Variants in ARHGAP31 observed in about 807,000 individuals in gnomAD.
ARHGAP31 encodes the protein Rho GTPase activating protein 31, also known as rho GTPase-activating protein 31.
Under a neutral mutation model 113.9 loss-of-function variants are expected in ARHGAP31, and 34 were observed. The observed-to-expected ratio is 0.30, with a 90% CI of 0.23 to 0.40. The LOEUF (loss-of-function observed/expected upper bound fraction) is 0.40, where lower values mean the gene tolerates loss of function less well. Ranked by LOEUF, ARHGAP31 falls within the 10% of genes least tolerant of loss-of-function variation. The probability of loss-of-function intolerance (pLI) is 1.00; values close to 1 mark genes in which losing one functional copy is unlikely to be tolerated. For missense variants in ARHGAP31, 1,548 were observed against 1,767.1 expected (o/e 0.88, Z 2.22); for synonymous variants, 650 against 684.8 (o/e 0.95, Z 0.79).
At chr3:119,304,785 C>T (rs2079616192) in intron 1 of ARHGAP31, among the ~76,000 whole-genome samples, 1 of 152,060 alleles carries the variant, frequency 6.6e-6, no homozygotes, top group Non-Finnish European at 1.5e-5. Context: ...ATCCCAGCTA[C>T]TTGGGAGGCT....
In ARHGAP31 at chr3:119,326,203, G is replaced by A. The variant is rs116028152; in HGVS notation, c.100+31199G>A. Among the ~76,000 whole-genome samples the A allele has an allele frequency of 9.9e-3, 1,499 of 152,158 alleles. 23 individuals carry two copies. Among genetic ancestry groups the A allele is most frequent in the African/African-American group, 0.035 (1,439 of 41,512 alleles). ...GCAAAACTCTGTCTCAAAAATAAAAGTAATAATAATAATAAAAAGATTCCC... is the reference window on the plus strand; with the variant it reads ...GCAAAACTCTGTCTCAAAAATAAAAATAATAATAATAATAAAAAGATTCCC... On this transcript the variant is annotated intron_variant, in intron 1 of 11. Transcript: ENST00000264245.
chr3:119,419,764 C>G lies in ARHGAP31; in HGVS notation c.*3500C>G, dbSNP rs570347951. The G allele has an allele frequency of 6.6e-6, 1 of 152,264 alleles. No individual in the cohort carries two copies. Among genetic ancestry groups the G allele is most frequent in the South Asian group, 2.1e-4 (1 of 4,816 alleles). 9.4% of individuals were successfully genotyped at this position (152,264 alleles called of 1,614,324 possible). Reference sequence around the variant, plus strand: ...CAATTGCAAATCCAATAGAACATCCCAGTGAGACACTCGGGTATTTGAGAA... The same window carrying G: ...CAATTGCAAATCCAATAGAACATCCGAGTGAGACACTCGGGTATTTGAGAA... On this transcript the variant is annotated 3_prime_UTR_variant, in exon 12 of 12. Transcript: ENST00000264245.
chr3:119,298,579 T>A (rs979152934), intron 1 of ARHGAP31: 1 of 152,244 alleles, frequency 6.6e-6, no homozygotes, highest in African/African-American at 2.4e-5. Context: ...GGCTTTACTT[T>A]AATGGCTGAG....
intron 1 of ARHGAP31, among the ~76,000 whole-genome samples, chr3:119,312,301 C>T (rs1279505432): frequency 6.6e-6 from 1 of 152,132 alleles, no homozygotes; most frequent in Non-Finnish European, 1.5e-5. Context: ...AAACTTTGTT[C>T]CATTTATTTA....
chr3:119,340,938 G>A lies in ARHGAP31; in HGVS notation c.101-24378G>A, dbSNP rs139737576. 6.6e-5 allele frequency among the ~76,000 whole-genome samples: 10 copies of A among 152,136 alleles called. No individual in the cohort carries two copies. The East Asian group carries it at 1.5e-3, about 23-fold the overall frequency. On this transcript the variant is annotated intron_variant, in intron 1 of 11. Transcript: ENST00000264245. ...CTTTAACTATACCCGATTTCTTCCC[G>A]TGGTCATTCAGCTGGCCAGAGGAGC...
At chr3:119,364,724 C>T (rs1335335073) in intron 1 of ARHGAP31, among the ~76,000 whole-genome samples, 1 of 152,092 alleles carries the variant, frequency 6.6e-6, no homozygotes, top group South Asian at 2.1e-4. Context: ...ATGAAGAGAC[C>T]GAGTTGTGGA....
chr3:119,296,308 CTT>C (rs914740303), intron 1 of ARHGAP31, among the ~76,000 whole-genome samples: 5 of 152,172 alleles, frequency 3.3e-5, no homozygotes, highest in African/African-American at 7.2e-5. Flanking sequence ...AAAACTGACT[CTT>C]TTGAAATTGA....
chr3:119,311,800 G>A (rs1213814559), intron 1 of ARHGAP31, among the ~76,000 whole-genome samples: 1 of 152,218 alleles, frequency 6.6e-6, no homozygotes, highest in Non-Finnish European at 1.5e-5. Context: ...TATGATGGAC[G>A]TATCTTCAAC....
At chr3:119,324,293 G>A (rs2079820658) in intron 1 of ARHGAP31, among the ~76,000 whole-genome samples, 2 of 152,044 alleles carry the variant, frequency 1.3e-5, no homozygotes, top group African/African-American at 4.8e-5. Flanking sequence ...GGAAATGTAG[G>A]GCCATCTATG....
intron 6 of ARHGAP31, among the ~76,000 whole-genome samples, chr3:119,387,905 G>A (rs1204075594): frequency 1.3e-5 from 2 of 152,196 alleles, no homozygotes; most frequent in African/African-American, 4.8e-5. Context: ...TCAGTGACTT[G>A]GGGGTATAAT....
At chr3:119,384,723 T>G (rs2080434101) in intron 6 of ARHGAP31, among the ~76,000 whole-genome samples, 1 of 152,150 alleles carries the variant, frequency 6.6e-6, no homozygotes, top group South Asian at 2.1e-4. Flanking sequence ...CTCACAACAG[T>G]GTTGCATTGG....
chr3:119,391,048 T>A, intron 7 of ARHGAP31, 65 bp downstream of exon 7: 1 of 1,564,174 alleles, frequency 6.4e-7, no homozygotes, highest in Non-Finnish European at 8.8e-7. Flanking sequence ...GGAGGAGAGG[T>A]ATACAGTCTC....
At chr3:119,324,976 C>G (rs538977503) in intron 1 of ARHGAP31, 3 of 456,658 alleles carry the variant, frequency 6.6e-6, no homozygotes, top group Non-Finnish European at 1.3e-5. Context: ...ATAAGCAGTA[C>G]TCCTCATGTC....
intron 11 of ARHGAP31, among the ~76,000 whole-genome samples, chr3:119,411,721 G>A (rs1185524720): frequency 1.3e-5 from 2 of 152,208 alleles, no homozygotes; most frequent in Non-Finnish European, 2.9e-5. Context: ...CAGTGTGGTA[G>A]AAGCAGATTA....
At chr3:119,301,223 C>A (rs74637717) in intron 1 of ARHGAP31, among the ~76,000 whole-genome samples, 2,036 of 152,316 alleles carry the variant, frequency 0.013, 39 homozygotes, top group African/African-American at 0.045. Flanking sequence ...TTTCTCCTCC[C>A]CTTTCTACCC....
At chr3:119,337,776 G>C (rs576809742) in intron 1 of ARHGAP31, among the ~76,000 whole-genome samples, 2 of 152,148 alleles carry the variant, frequency 1.3e-5, no homozygotes, top group African/African-American at 4.8e-5. Flanking sequence ...TGCCCTACCG[G>C]ATTAGCTAGA....
rs942282102 is a variant in ARHGAP31, at chr3:119,415,223, A to G, written c.3294A>G (p.Pro1098=). The G allele has an allele frequency of 6.2e-7, 1 of 1,614,084 alleles. No homozygotes were observed. Among genetic ancestry groups the G allele is most frequent in the Non-Finnish European group, 8.5e-7 (1 of 1,180,026 alleles). ...TAAAGAGCACAGAGTGTGGGCCCCCAAAAGGGAAAAACAGGCCTTCTTCCC... is the reference window on the plus strand; with the variant it reads ...TAAAGAGCACAGAGTGTGGGCCCCCGAAAGGGAAAAACAGGCCTTCTTCCC... ...LQLKSTECGP[P]KGKNRPSSLN... The change falls in exon 12 of 12, where the codon CCA becomes CCG. Residue 1098 remains proline, a synonymous_variant. Transcript: ENST00000264245.
chr3:119,343,259 T>C (rs890215499), intron 1 of ARHGAP31, among the ~76,000 whole-genome samples: 23 of 152,142 alleles, frequency 1.5e-4, no homozygotes, highest in South Asian at 4.2e-4. Flanking sequence ...AAGAGTGGGG[T>C]TGGGAGTCAG....
Position 119,382,396 on chromosome 3 carries a change from T to C in ARHGAP31, c.536T>C (p.Leu179Pro). ...NLALVWAPNL[L>P]RSKEIEATGC... ...GCCCTGGTGTGGGCGCCAAACCTCC[T>C]CAGGTAACCACTCTACCCTCCCCTT... The change falls in exon 5 of 12, where the codon CTC becomes CCC. Residue 179 changes from leucine to proline, a missense_variant. Coordinates refer to ENST00000264245, the MANE Select transcript of ARHGAP31 (RefSeq NM_020754.4). 1 of 1,613,852 alleles carries C rather than the reference T, an allele frequency of 6.2e-7. No individual in the cohort carries two copies. The highest frequency in any genetic ancestry group is 8.5e-7 in the Non-Finnish European group (1 of 1,179,812).
Sources: gnomAD v4.1 joint callset for allele counts (sites outside exome capture counted in the v4.1 genomes callset) on GRCh38, gnomAD v4.1.1 for gene constraint, MANE v1.5 for transcripts, NCBI Gene and HGNC (gene_info 2026-07-23, HGNC 2026-07-21) for gene names.